RBFOX1: variants seen among roughly 807,000 people sequenced by gnomAD.
RBFOX1 encodes the protein RNA binding protein fox-1 homolog 1.
In RBFOX1, 8 loss-of-function variants were observed where a neutral mutation model predicts 57.7. The observed-to-expected ratio is 0.14, with a 90% CI of 0.08 to 0.25. The LOEUF is 0.25. RBFOX1 is among the 10% of genes least tolerant of loss of function. The pLI is 1.00. For missense variants in RBFOX1, 611 were observed against 548.5 expected (o/e 1.11, Z -1.14); for synonymous variants, 326 against 222.4 (o/e 1.47, Z -4.15).
chr16:7,310,017 G>T (rs550656723), intron 4 of RBFOX1, among the ~76,000 whole-genome samples: 1 of 152,240 alleles, frequency 6.6e-6, no homozygotes, highest in Admixed American at 6.5e-5. Flanking sequence ...GCCGGGCTGA[G>T]CGTTGGCCCG....
intron 2 of RBFOX1, among the ~76,000 whole-genome samples, chr16:6,332,498 A>G (rs1241824888): frequency 6.6e-6 from 1 of 152,258 alleles, no homozygotes; most frequent in African/African-American, 2.4e-5. Flanking sequence ...TGTTGAATAT[A>G]GGAGACATGA....
intron 2 of RBFOX1, among the ~76,000 whole-genome samples, chr16:5,470,485 C>G (rs1048817622): frequency 3.9e-5 from 6 of 152,108 alleles, no homozygotes; most frequent in Non-Finnish European, 7.4e-5. Flanking sequence ...TTCTCTCTGT[C>G]TGTCTCTCTC....
intron 3 of RBFOX1, among the ~76,000 whole-genome samples, chr16:6,982,052 G>T (rs4287581): frequency 2.0e-5 from 3 of 152,062 alleles, no homozygotes; most frequent in African/African-American, 7.2e-5. Context: ...TAAAATTTTC[G>T]TAGTTTTTCA....
chr16:6,607,534 C>A (rs1317413819), intron 2 of RBFOX1, among the ~76,000 whole-genome samples: 3 of 148,828 alleles, frequency 2.0e-5, no homozygotes, highest in Non-Finnish European at 4.5e-5. Flanking sequence ...TATCTCCTCT[C>A]CCTCTTTCTT....
At chr16:7,693,219 C>A (rs2077763313) in intron 14 of RBFOX1, 1 of 967,636 alleles carries the variant, frequency 1.0e-6, no homozygotes, top group Non-Finnish European at 1.7e-6. Context: ...ACACGCAGCA[C>A]CCTTCCCTCC....
intron 2 of RBFOX1, among the ~76,000 whole-genome samples, chr16:5,515,227 C>A (rs946514207): frequency 1.2e-3 from 186 of 152,330 alleles, no homozygotes; most frequent in African/African-American, 4.2e-3. Flanking sequence ...ATCAGGTGGC[C>A]TGTGCCTACT....
chr16:7,183,162 A>G (rs931165185), intron 4 of RBFOX1, among the ~76,000 whole-genome samples: 13 of 152,286 alleles, frequency 8.5e-5, no homozygotes, highest in Non-Finnish European at 1.6e-4. Flanking sequence ...TAGTTGAGGC[A>G]GAGTGGGTTG....
In RBFOX1 at chr16:6,500,896, T is replaced by TGTTTGTTTCTTTGTTTG. The variant is rs796099960; in HGVS notation, c.-63-153707_-63-153706insGTTTGTTTCTTTGTTTG. On this transcript the variant is annotated intron_variant, in intron 2 of 15. Coordinates refer to ENST00000550418, the MANE Select transcript of RBFOX1 (RefSeq NM_018723.4). ...GAGTAGTTTTTTTTTTTTTTTTTTTTTTTTTAATGCTGAGACATCCTCTGT... is the reference window on the plus strand; with the variant it reads ...GAGTAGTTTTTTTTTTTTTTTTTTTTGTTTGTTTCTTTGTTTGTTTTTAATGCTGAGACATCCTCTGT... 1.1e-4 allele frequency among the ~76,000 whole-genome samples: 16 copies of TGTTTGTTTCTTTGTTTG among 142,376 alleles called. 1 individual carries two copies. Among genetic ancestry groups the TGTTTGTTTCTTTGTTTG allele is most frequent in the Admixed American group, 7.0e-4 (10 of 14,358 alleles). 93.4% of individuals were successfully genotyped at this position (142,376 alleles called of 152,430 possible). A position where few individuals can be genotyped will look rare whatever the true frequency, so the allele number is the denominator to read the frequency against.
chr16:5,747,135 A>T (rs2053015554), intron 3 of RBFOX1, among the ~76,000 whole-genome samples: 1 of 152,118 alleles, frequency 6.6e-6, no homozygotes, highest in Non-Finnish European at 1.5e-5. Flanking sequence ...GCATCTATTG[A>T]GATAATCATG....
At chr16:5,369,231 A>G (rs1050784269) in intron 1 of RBFOX1, among the ~76,000 whole-genome samples, 1 of 152,206 alleles carries the variant, frequency 6.6e-6, no homozygotes, top group Admixed American at 6.5e-5. Context: ...TGAACTCCTG[A>G]CCTCAAGTGA....
chr16:7,710,885 AT>A lies in RBFOX1; in HGVS notation c.*146del. The A allele has an allele frequency of 1.1e-6, 1 of 901,202 alleles. No homozygotes were observed. Among genetic ancestry groups the A allele is most frequent in the Non-Finnish European group, 1.5e-6 (1 of 669,382 alleles). The allele number at this position is 901,202 out of a possible 1,614,324, so 55.8% of individuals were successfully genotyped here. Reference sequence around the variant, plus strand: ...ACAAATAAAAAGGAAAAAAAATTACATTTTTTATCTTATACCTCAGATATTT... The same window carrying A: ...ACAAATAAAAAGGAAAAAAAATTACATTTTTATCTTATACCTCAGATATTT... On this transcript the variant is annotated 3_prime_UTR_variant, in exon 16 of 16. Coordinates refer to ENST00000550418, the MANE Select transcript of RBFOX1 (RefSeq NM_018723.4).
At chr16:7,176,010 A>C (rs1361626084) in intron 4 of RBFOX1, among the ~76,000 whole-genome samples, 1 of 151,970 alleles carries the variant, frequency 6.6e-6, no homozygotes, top group African/African-American at 2.4e-5. Context: ...CAGCCATCCG[A>C]TGTGAGTGTC....
At chr16:6,766,172 G>A (rs1008030572) in intron 3 of RBFOX1, among the ~76,000 whole-genome samples, 2 of 151,820 alleles carry the variant, frequency 1.3e-5, no homozygotes, top group Non-Finnish European at 2.9e-5. Flanking sequence ...CAAAATTTTA[G>A]ATATGGAGAA....
chr16:7,440,595 T>A (rs2098758313), intron 4 of RBFOX1, among the ~76,000 whole-genome samples: 1 of 152,214 alleles, frequency 6.6e-6, no homozygotes, highest in South Asian at 2.1e-4. Context: ...TTCATACTTT[T>A]AATCTGGAGA....
chr16:6,885,164 A>C (rs367901991), intron 3 of RBFOX1, among the ~76,000 whole-genome samples: 1 of 152,146 alleles, frequency 6.6e-6, no homozygotes, highest in Non-Finnish European at 1.5e-5. Flanking sequence ...CTCCTTCCCT[A>C]ATTCCCAGGT....
intron 2 of RBFOX1, among the ~76,000 whole-genome samples, chr16:5,508,723 C>T (rs561775905): frequency 5.3e-5 from 8 of 152,116 alleles, no homozygotes; most frequent in Admixed American, 1.3e-4. Flanking sequence ...CAAGGTGGGG[C>T]GGGGGAGATT....
chr16:5,556,001 A>G (rs758330857), intron 2 of RBFOX1, among the ~76,000 whole-genome samples: 1 of 151,868 alleles, frequency 6.6e-6, no homozygotes, highest in African/African-American at 2.4e-5. Flanking sequence ...AGCCTGGGCA[A>G]GAGAGTGAGA....
At chr16:6,265,509 A>G (rs544415071) in intron 1 of RBFOX1, among the ~76,000 whole-genome samples, 16 of 152,014 alleles carry the variant, frequency 1.1e-4, no homozygotes, top group African/African-American at 3.4e-4. Flanking sequence ...TGATCCACCC[A>G]CCTCGGCCTC....
At chr16:6,462,870 C>G (rs1472364324) in intron 2 of RBFOX1, among the ~76,000 whole-genome samples, 2 of 152,048 alleles carry the variant, frequency 1.3e-5, no homozygotes, top group African/African-American at 4.8e-5. Flanking sequence ...AAAATCTTTC[C>G]TCTTATAGGA....
Sources: allele counts gnomAD v4.1 joint callset (sites outside exome capture counted in the v4.1 genomes callset), GRCh38; gene constraint gnomAD v4.1.1; transcripts MANE v1.5; gene names NCBI Gene and HGNC (gene_info 2026-07-23, HGNC 2026-07-21).